The following HEMK2 variants were observed in gnomAD, a reference collection of about 807,000 sequenced individuals.
The protein encoded by HEMK2 is methyltransferase HEMK2.
the HEMK2 span, among the ~76,000 whole-genome samples, chr21:28,695,303 T>C: frequency 6.6e-6 from 1 of 152,168 alleles, no homozygotes; most frequent in Admixed American, 6.5e-5. Flanking sequence ...ATGTTGAAGA[T>C]GGGGCCTAAT....
At chr21:28,882,302 G>T in the HEMK2 span, 1 of 1,344,300 alleles carries the variant, frequency 7.4e-7, no homozygotes, top group Non-Finnish European at 1.1e-6. Context: ...AGGCAAATCT[G>T]TTACTGAGTA....
At chr21:28,698,094 C>T in the HEMK2 span, among the ~76,000 whole-genome samples, 1 of 152,214 alleles carries the variant, frequency 6.6e-6, no homozygotes, top group Non-Finnish European at 1.5e-5. Context: ...CCTGATTAAA[C>T]CACCTCACAA....
At chr21:28,836,508 C>T in the HEMK2 span, among the ~76,000 whole-genome samples, 1 of 151,740 alleles carries the variant, frequency 6.6e-6, no homozygotes, top group Non-Finnish European at 1.5e-5. Context: ...AAAAAAAATC[C>T]TGGAGGAAAC....
At chr21:28,605,088 G>A in the HEMK2 span, among the ~76,000 whole-genome samples, 1 of 152,226 alleles carries the variant, frequency 6.6e-6, no homozygotes, top group East Asian at 1.9e-4. Context: ...CAAAAAGCAT[G>A]CATAATTTCA....
chr21:28,826,958 C>A, the HEMK2 span, among the ~76,000 whole-genome samples: 2 of 152,034 alleles, frequency 1.3e-5, no homozygotes, highest in African/African-American at 4.8e-5. Flanking sequence ...AGGGATCCGA[C>A]GAGGAGACTC....
chr21:28,645,632 T>C, the HEMK2 span, among the ~76,000 whole-genome samples: 1 of 152,136 alleles, frequency 6.6e-6, no homozygotes, highest in South Asian at 2.1e-4. Flanking sequence ...AAAATTCATA[T>C]GTGGAAACTT....
the HEMK2 span, among the ~76,000 whole-genome samples, chr21:28,610,022 C>T: frequency 6.6e-6 from 1 of 152,124 alleles, no homozygotes; most frequent in Non-Finnish European, 1.5e-5. Context: ...GCCTTACTGG[C>T]GATCTAGACA....
the HEMK2 span, among the ~76,000 whole-genome samples, chr21:28,819,338 G>A: frequency 6.7e-6 from 1 of 149,016 alleles, no homozygotes; most frequent in Non-Finnish European, 1.5e-5. Context: ...TGCCATTCAT[G>A]TGTTTATACA....
chr21:28,822,571 G>GCATATATATATATATATATACA, the HEMK2 span, among the ~76,000 whole-genome samples: 1 of 142,712 alleles, frequency 7.0e-6, no homozygotes, highest in Non-Finnish European at 1.5e-5. Context: ...TGGCTACAAT[G>GCATATATATATATATATATACA]CATATATATA....
chr21:28,719,714 T>C, the HEMK2 span, among the ~76,000 whole-genome samples: 1 of 152,088 alleles, frequency 6.6e-6, no homozygotes, highest in Non-Finnish European at 1.5e-5. Flanking sequence ...AGTGACAGGG[T>C]TTGAAGGAAC....
At chr21:28,611,628 A>G in the HEMK2 span, among the ~76,000 whole-genome samples, 1 of 109,718 alleles carries the variant, frequency 9.1e-6, no homozygotes, top group Non-Finnish European at 2.3e-5. Flanking sequence ...CACACCTGTA[A>G]TCCCAGGAGC....
chr21:28,794,524 G>T, the HEMK2 span, among the ~76,000 whole-genome samples: 1 of 152,198 alleles, frequency 6.6e-6, no homozygotes, highest in Non-Finnish European at 1.5e-5. Context: ...TTAAATGGAG[G>T]CATTCATAAA....
the HEMK2 span, among the ~76,000 whole-genome samples, chr21:28,754,400 T>TGACATTACTCAGCAGCACA: frequency 6.6e-6 from 1 of 152,224 alleles, no homozygotes; most frequent in Admixed American, 6.5e-5. Flanking sequence ...TGTGAGGGTC[T>TGACATTACTCAGCAGCACA]GACATTACTC....
At chr21:28,854,808 T>G in the HEMK2 span, among the ~76,000 whole-genome samples, 2 of 152,202 alleles carry the variant, frequency 1.3e-5, no homozygotes, top group Non-Finnish European at 2.9e-5. Flanking sequence ...GGGCCTGCCT[T>G]TCTCAGTCCA....
the HEMK2 span, among the ~76,000 whole-genome samples, chr21:28,640,980 G>A: frequency 1.3e-4 from 20 of 152,260 alleles, no homozygotes; most frequent in Middle Eastern, 3.4e-3. Flanking sequence ...CTACCCTACC[G>A]CGCATATTGG....
chr21:28,831,682 AGAAGGAAGGAAGGAAG>A, the HEMK2 span, among the ~76,000 whole-genome samples: 16 of 20,332 alleles, frequency 7.9e-4, no homozygotes, highest in Admixed American at 1.6e-3. Context: ...AAAGAAAGAA[AGAAGGAAGGAAGGAAG>A]GAAGGAAGGA....
At chr21:28,619,121 A>G in the HEMK2 span, among the ~76,000 whole-genome samples, 1 of 152,186 alleles carries the variant, frequency 6.6e-6, no homozygotes, top group African/African-American at 2.4e-5. Context: ...ACGGCCATCT[A>G]CATGCCAAGG....
the HEMK2 span, chr21:28,882,021 T>G: frequency 2.0e-6 from 1 of 512,096 alleles, no homozygotes; most frequent in South Asian, 2.5e-5. Context: ...AAAGGTGGAT[T>G]ACATCAACAA....
chr21:28,795,133 A>AT, the HEMK2 span, among the ~76,000 whole-genome samples: 1 of 152,204 alleles, frequency 6.6e-6, no homozygotes, highest in African/African-American at 2.4e-5. Flanking sequence ...TAATTCCATT[A>AT]TTTTTTGTTC....
Sources: gnomAD v4.1 joint callset for allele counts (sites outside exome capture counted in the v4.1 genomes callset) on GRCh38, gnomAD v4.1.1 for gene constraint, MANE v1.5 for transcripts, NCBI Gene and HGNC (gene_info 2026-07-23, HGNC 2026-07-21) for gene names.